The following ACSBG1 variants were observed in gnomAD, a reference collection of about 807,000 sequenced individuals.
The protein encoded by ACSBG1 is acyl-CoA synthetase bubblegum family member 1.
Under a neutral mutation model 80.2 loss-of-function variants are expected in ACSBG1, and 39 were observed. The observed-to-expected ratio is 0.49, with a 90% CI of 0.38 to 0.64. The LOEUF is 0.64. Ranked by LOEUF, ACSBG1 falls within the 30% of genes least tolerant of loss-of-function variation. The probability of loss-of-function intolerance (pLI) is 0.00; values close to 1 mark genes in which losing one functional copy is unlikely to be tolerated. For synonymous variants in ACSBG1, 392 were observed against 379.5 expected (o/e 1.03, Z -0.38); for missense variants, 828 against 966.4 (o/e 0.86, Z 1.90).
intron 1 of ACSBG1, among the ~76,000 whole-genome samples, chr15:78,227,730 C>G (rs970596039): frequency 6.6e-6 from 1 of 152,176 alleles, no homozygotes; most frequent in African/African-American, 2.4e-5. Context: ...CTGGAAACAA[C>G]TCAAATGCCC....
In ACSBG1 at chr15:78,233,330, C is replaced by T. The variant is rs981462972; in HGVS notation, c.131+1041G>A. On this transcript the variant is annotated intron_variant, in intron 1 of 13. Transcript: ENST00000258873. Reference sequence around the variant, plus strand: ...CGGAGGGGCCTCTGCATCTCTGAGGCGCATTAACATCTGTTCCCATTTCCC... The same window carrying T: ...CGGAGGGGCCTCTGCATCTCTGAGGTGCATTAACATCTGTTCCCATTTCCC... Among the ~76,000 whole-genome samples, 17 of 152,306 alleles carry T rather than the reference C, an allele frequency of 1.1e-4. No homozygotes were observed. The South Asian group carries it at 1.4e-3, about 13-fold the overall frequency.
intron 12 of ACSBG1, 115 bp downstream of exon 12, chr15:78,174,270 C>A (rs2074858960): frequency 6.9e-6 from 10 of 1,447,006 alleles, no homozygotes; most frequent in Non-Finnish European, 9.5e-6. Flanking sequence ...TTGAGTCATT[C>A]CAGAATGAAG....
intron 1 of ACSBG1, among the ~76,000 whole-genome samples, chr15:78,224,694 C>A (rs1269714011): frequency 6.6e-6 from 1 of 151,658 alleles, no homozygotes; most frequent in Admixed American, 6.6e-5. Flanking sequence ...GCACTCCAGC[C>A]TGGGCGACAG....
In ACSBG1 at chr15:78,177,054, T is replaced by C. The variant is rs554352625; in HGVS notation, c.1702+1560A>G. Reference sequence around the variant, plus strand: ...ATTGGAAGAGACAATACTATAAACATGTATTTTTCTCACCAAATTGATCTA... The same window carrying C: ...ATTGGAAGAGACAATACTATAAACACGTATTTTTCTCACCAAATTGATCTA... On this transcript the variant is annotated intron_variant, in intron 11 of 13. Transcript: ENST00000258873. This position sits in a 1 kb window ranked among gnomAD's most constrained non-coding sequence, Gnocchi z 4.1. Among the ~76,000 whole-genome samples, 6 of 152,298 alleles carry C rather than the reference T, an allele frequency of 3.9e-5. No homozygotes were observed. Among genetic ancestry groups the C allele is most frequent in the Middle Eastern group, 6.8e-3 (2 of 294 alleles).
intron 1 of ACSBG1, among the ~76,000 whole-genome samples, chr15:78,211,283 C>T (rs762531086): frequency 1.3e-4 from 20 of 152,190 alleles, no homozygotes; most frequent in Non-Finnish European, 1.9e-4. Flanking sequence ...ATGAGCACGC[C>T]GAAGGCGATT....
Position 78,193,351 on chromosome 15 carries a change from G to A in ACSBG1, c.663+155C>T, listed in dbSNP as rs75596321. Among the ~76,000 whole-genome samples the A allele has an allele frequency of 1.4e-4, 21 of 152,326 alleles. No homozygotes were observed. The East Asian group carries it at 3.5e-3, about 25-fold the overall frequency. On this transcript the variant is annotated intron_variant, in intron 5 of 13. Coordinates refer to ENST00000258873, the MANE Select transcript of ACSBG1 (RefSeq NM_015162.5). ...TTGCCTGTCAAATGGGTAAGTAGCC[G>A]TTGCCCTGCCTTGCTTGCTGTGTAT...
chr15:78,185,975 A>C (rs2075000076), intron 5 of ACSBG1, among the ~76,000 whole-genome samples: 1 of 152,214 alleles, frequency 6.6e-6, no homozygotes, highest in Admixed American at 6.5e-5. Context: ...AGCTGAAAGA[A>C]TGTATTGCCA....
intron 8 of ACSBG1, chr15:78,181,223 A>T: frequency 2.5e-6 from 1 of 405,958 alleles, no homozygotes; most frequent in Admixed American, 4.1e-5. Flanking sequence ...CAAGAATCCC[A>T]TTCCCCTCGG....
Position 78,177,968 on chromosome 15 carries a change from A to G in ACSBG1, c.1702+646T>C, listed in dbSNP as rs8034946. 0.55 allele frequency among the ~76,000 whole-genome samples: 83,637 copies of G among 152,002 alleles called. 23,823 individuals are homozygous for G. Among genetic ancestry groups the G allele is most frequent in the African/African-American group, 0.68 (28,152 of 41,472 alleles). ...TTGCATTCTATTCCCCATCATATCC[A>G]TGTTTGCATATAAAAATACATAATA... On this transcript the variant is annotated intron_variant, in intron 11 of 13. Coordinates refer to ENST00000258873, the MANE Select transcript of ACSBG1 (RefSeq NM_015162.5). This position sits in a 1 kb window ranked among gnomAD's most constrained non-coding sequence, Gnocchi z 4.1.
At chr15:78,206,511 C>T (rs2075216286) in intron 2 of ACSBG1, among the ~76,000 whole-genome samples, 2 of 152,200 alleles carry the variant, frequency 1.3e-5, no homozygotes, top group Non-Finnish European at 1.5e-5. Flanking sequence ...GCACGCCCAC[C>T]TTGGCCGTCC....
At chr15:78,230,641 C>A (rs555776747) in intron 1 of ACSBG1, among the ~76,000 whole-genome samples, 2 of 152,300 alleles carry the variant, frequency 1.3e-5, no homozygotes, top group East Asian at 3.9e-4. Context: ...ATCATGGGGG[C>A]AGGTCCTTCC....
chr15:78,208,895 C>A (rs1255619926), intron 1 of ACSBG1, among the ~76,000 whole-genome samples: 5 of 152,258 alleles, frequency 3.3e-5, no homozygotes, highest in Admixed American at 6.5e-5. Flanking sequence ...AGACCTCAAC[C>A]TCCTAGATGG....
chr15:78,234,117 G>A (rs2075472877), intron 1 of ACSBG1, among the ~76,000 whole-genome samples: 1 of 152,162 alleles, frequency 6.6e-6, no homozygotes, highest in Non-Finnish European at 1.5e-5. Flanking sequence ...GATCCAACTG[G>A]TCTCCAACTG....
At chr15:78,194,292 G>A (rs911984412) in intron 3 of ACSBG1, among the ~76,000 whole-genome samples, 13 of 152,268 alleles carry the variant, frequency 8.5e-5, no homozygotes, top group Admixed American at 8.5e-4. Context: ...TGAAAAGTGA[G>A]TAACAAGTGC....
chr15:78,215,348 C>T (rs2075298774), intron 1 of ACSBG1, among the ~76,000 whole-genome samples: 1 of 152,174 alleles, frequency 6.6e-6, no homozygotes, highest in Non-Finnish European at 1.5e-5. Flanking sequence ...AGTGTCCAAA[C>T]TGATGAGGTT....
At chr15:78,210,665 G>A (rs933199149) in intron 1 of ACSBG1, among the ~76,000 whole-genome samples, 5 of 152,230 alleles carry the variant, frequency 3.3e-5, no homozygotes, top group African/African-American at 1.2e-4. Context: ...CCAGGCTGGA[G>A]TGCAGGGGCA....
intron 1 of ACSBG1, among the ~76,000 whole-genome samples, chr15:78,231,332 T>C (rs1488992929): frequency 6.6e-6 from 1 of 151,892 alleles, no homozygotes; most frequent in Non-Finnish European, 1.5e-5. Flanking sequence ...GGTTTCTCCA[T>C]GTGGGTCAGG....
At chr15:78,181,921 T>C in intron 8 of ACSBG1, 48 bp downstream of exon 8, 1 of 1,590,444 alleles carries the variant, frequency 6.3e-7, no homozygotes, top group African/African-American at 1.3e-5. Context: ...CATGTGGACG[T>C]GGCCTGGCAC....
chr15:78,198,438 C>G (rs1419134773), intron 2 of ACSBG1, among the ~76,000 whole-genome samples: 4 of 152,122 alleles, frequency 2.6e-5, no homozygotes, highest in African/African-American at 9.7e-5. Flanking sequence ...CCTCTGCCTC[C>G]TGGGTTCAAG....
Sources: allele counts gnomAD v4.1 joint callset (sites outside exome capture counted in the v4.1 genomes callset), GRCh38; gene constraint gnomAD v4.1.1; non-coding constraint Gnocchi (gnomAD v3.1); transcripts MANE v1.5; gene names NCBI Gene and HGNC (gene_info 2026-07-23, HGNC 2026-07-21).